Variants in TAF4 observed in about 807,000 individuals in gnomAD.
TAF4 encodes the protein TATA-box binding protein associated factor 4.
In TAF4, 9 loss-of-function variants were observed where a neutral mutation model predicts 90.3. That is an observed-to-expected ratio of 0.10 (90% confidence interval 0.06 to 0.17). TAF4 has a LOEUF of 0.17. Ranked by LOEUF, TAF4 falls within the 10% of genes least tolerant of loss-of-function variation. The pLI, the probability that TAF4 is intolerant of heterozygous loss-of-function variation, is 1.00. For synonymous variants in TAF4, 818 were observed against 638.9 expected (o/e 1.28, Z -4.23); for missense variants, 1,351 against 1,370.7 (o/e 0.99, Z 0.23).
intron 1 of TAF4, among the ~76,000 whole-genome samples, chr20:62,063,991 G>T (rs1048476414): frequency 6.6e-6 from 1 of 152,230 alleles, no homozygotes; most frequent in African/African-American, 2.4e-5. Context: ...TGGGGACACA[G>T]GCCACACGCC....
chr20:62,036,269 C>G (rs1423512421), intron 1 of TAF4, among the ~76,000 whole-genome samples: 1 of 152,216 alleles, frequency 6.6e-6, no homozygotes, highest in East Asian at 1.9e-4. Context: ...AGGTGATCCA[C>G]CCGCCTCGGC....
At chr20:62,005,825 G>A (rs2055741339) in intron 7 of TAF4, 1 of 152,242 alleles carries the variant, frequency 6.6e-6, no homozygotes, top group Non-Finnish European at 1.5e-5. Context: ...TGATGAGGGA[G>A]CCCGCACCAT....
chr20:61,992,982 T>C (rs1437799961), intron 14 of TAF4, among the ~76,000 whole-genome samples: 1 of 152,188 alleles, frequency 6.6e-6, no homozygotes, highest in Non-Finnish European at 1.5e-5. Flanking sequence ...GTAAAACTAC[T>C]GGTCACCCTC....
At position 61,976,272 on chromosome 20, in the gene TAF4, G is replaced by C. The variant is rs1169358340; in HGVS notation, c.3154C>G (p.Arg1052Gly). Residue 1052 changes from arginine to glycine, a missense_variant, in exon 15 of 15, where the codon CGA becomes GGA. Coordinates refer to ENST00000252996, the MANE Select transcript of TAF4 (RefSeq NM_003185.4). ...SGVGTPRQFT[R>G]QRITRVNLRD... ...AGGTTGACCCGCGTGATTCTTTGTCGCGTGAACTGTCTGGGGGTTCCGACA... is the reference window on the plus strand; with the variant it reads ...AGGTTGACCCGCGTGATTCTTTGTCCCGTGAACTGTCTGGGGGTTCCGACA... 2 of 1,613,988 alleles carry C rather than the reference G, an allele frequency of 1.2e-6. No individual in the cohort carries two copies. Among genetic ancestry groups the C allele is most frequent in the Non-Finnish European group, 1.7e-6 (2 of 1,180,042 alleles).
In TAF4 at chr20:62,065,516, C is replaced by G. The variant is rs1269685077; in HGVS notation, c.295G>C (p.Gly99Arg). Residue 99 changes from glycine to arginine, a missense_variant, in exon 1 of 15, where the codon GGC (glycine) becomes CGC (arginine). By Grantham distance (125) the Gly-to-Arg change is moderately radical (BLOSUM62 -2). Transcript: ENST00000252996. Reference sequence around the variant, plus strand: ...GGGCCCGGGCGCTGCGGCCCCCCGCCCCCCGGCCGCGCTCTACCTGCGGGG... The same window carrying G: ...GGGCCCGGGCGCTGCGGCCCCCCGCGCCCCGGCCGCGCTCTACCTGCGGGG... ...PPPAGRARPG[G>R]GGPQRPGPPS... is the part of the protein sequence containing the mutation. 4.1e-6 allele frequency: 4 copies of G among 975,886 alleles called. No individual in the cohort carries two copies. Among genetic ancestry groups the G allele is most frequent in the Non-Finnish European group, 4.8e-6 (4 of 824,942 alleles). 60.5% of individuals were successfully genotyped at this position (975,886 alleles called of 1,614,324 possible).
intron 1 of TAF4, among the ~76,000 whole-genome samples, chr20:62,050,735 A>G (rs1416466616): frequency 6.6e-6 from 1 of 152,146 alleles, no homozygotes; most frequent in Non-Finnish European, 1.5e-5. Flanking sequence ...ACCCAGAGCC[A>G]CCTGCCAGGC....
At chr20:62,016,358 G>A (rs2055812124) in intron 1 of TAF4, among the ~76,000 whole-genome samples, 1 of 152,356 alleles carries the variant, frequency 6.6e-6, no homozygotes, top group South Asian at 2.1e-4. Flanking sequence ...GACTGGAAGA[G>A]GCAGACCCAG....
rs540155675 is a variant in TAF4, at chr20:61,995,591, C to T, written c.3090+1959G>A. ...TGGAAAAAAAAATTTGAGCCGGGCG[C>T]GGTGGCTCACGCCTGTAATCCCAGC... On this transcript the variant is annotated intron_variant, in intron 14 of 14. Transcript: ENST00000252996. Among the ~76,000 whole-genome samples, 28 of 15,712 alleles carry T rather than the reference C, an allele frequency of 1.8e-3. 11 individuals are homozygous for T. The South Asian group carries it at 0.023, about 13-fold the overall frequency. 10.3% of individuals were successfully genotyped at this position (15,712 alleles called of 152,430 possible).
At position 62,006,517 on chromosome 20, in the gene TAF4, G is replaced by T; in HGVS notation, c.2216C>A (p.Thr739Lys). The T allele has an allele frequency of 6.5e-7, 1 of 1,531,596 alleles. No individual in the cohort carries two copies. The highest frequency in any genetic ancestry group is 1.2e-5 in the South Asian group (1 of 82,606). The allele number at this position is 1,531,596 out of a possible 1,614,324, so 94.9% of individuals were successfully genotyped here. ...QVGVGKQGQP[T>K]PLVIQQPPKP... ...CAGGCGCCCCTTCCATACCAGCGGTGTGGGTTGCCCCTGCTTGCCGACGCC... is the reference window on the plus strand; with the variant it reads ...CAGGCGCCCCTTCCATACCAGCGGTTTGGGTTGCCCCTGCTTGCCGACGCC... Residue 739 changes from threonine (T) to lysine (K), a missense_variant, in exon 7 of 15, where the codon ACA becomes AAA. Thr to Lys is a moderately conservative substitution (Grantham distance 78). Transcript: ENST00000252996. This position sits in a 1 kb window ranked among gnomAD's most constrained non-coding sequence, Gnocchi z 7.0.
rs1435570249 is a variant in TAF4 at position 62,065,816 on chromosome 20, T to C, written c.-6A>G. On this transcript the variant is annotated 5_prime_UTR_variant, in exon 1 of 15. Coordinates refer to ENST00000252996, the MANE Select transcript of TAF4 (RefSeq NM_003185.4). ...AGATCCGAGCCCGCCGCCATCTTTT[T>C]TCCTCGGCCGCCGCCGCCGCCGCCG... is the stretch of plus-strand genomic sequence containing the variant. 1 of 1,275,652 alleles carries C rather than the reference T, an allele frequency of 7.8e-7. No individual in the cohort carries two copies. The highest frequency in any genetic ancestry group is 1.0e-6 in the Non-Finnish European group (1 of 988,838). The allele number at this position is 1,275,652 out of a possible 1,614,324, so 79.0% of individuals were successfully genotyped here.
chr20:62,045,384 G>A (rs373184253), intron 1 of TAF4, among the ~76,000 whole-genome samples: 2 of 152,194 alleles, frequency 1.3e-5, no homozygotes, highest in African/African-American at 2.4e-5. Context: ...AGACGATGGC[G>A]GTGAAACTTT....
At chr20:62,046,613 C>T (rs1268294346) in intron 1 of TAF4, among the ~76,000 whole-genome samples, 2 of 152,222 alleles carry the variant, frequency 1.3e-5, no homozygotes, top group African/African-American at 2.4e-5. Flanking sequence ...ATGGACACTT[C>T]GGTTCTTTCC....
intron 7 of TAF4, chr20:62,004,801 G>C (rs1354985842): frequency 6.6e-6 from 1 of 152,328 alleles, no homozygotes; most frequent in Non-Finnish European, 1.5e-5. Flanking sequence ...GCCCAGCTCT[G>C]CTGTCATCCT....
chr20:61,980,952 A>G (rs371616404), intron 14 of TAF4: 25 of 152,696 alleles, frequency 1.6e-4, no homozygotes, highest in African/African-American at 5.3e-4. Context: ...AGTGCAGACC[A>G]CAGGGCAGGG....
chr20:62,013,132 C>T (rs2055789273), intron 2 of TAF4, among the ~76,000 whole-genome samples, 198 bp from the exon 3 acceptor site: 1 of 152,214 alleles, frequency 6.6e-6, no homozygotes. Flanking sequence ...TTTTCCTATA[C>T]TACAATAAAC....
chr20:62,014,607 G>A lies in TAF4; in HGVS notation c.1461C>T (p.Thr487=). ...TGGGGGTGGCAGGGCGAGGCGCCATGGTGGTCTGAGGCTGGGCATGGGCCT... is the reference window on the plus strand; with the variant it reads ...TGGGGGTGGCAGGGCGAGGCGCCATAGTGGTCTGAGGCTGGGCATGGGCCT... ...QAQAHAQPQT[T]MAPRPATPTS... The change falls in exon 2 of 15, where the codon ACC becomes ACT. Residue 487 remains threonine, a synonymous_variant. Coordinates refer to ENST00000252996, the MANE Select transcript of TAF4 (RefSeq NM_003185.4). The A allele has an allele frequency of 1.2e-6, 2 of 1,614,080 alleles. No homozygotes were observed. The highest frequency in any genetic ancestry group is 1.7e-6 in the Non-Finnish European group (2 of 1,179,996).
At chr20:62,015,164 A>G (rs910513367) in intron 1 of TAF4, among the ~76,000 whole-genome samples, 8 of 152,254 alleles carry the variant, frequency 5.3e-5, no homozygotes, top group Admixed American at 5.2e-4. Flanking sequence ...GTCCTGTGAC[A>G]CCCAGACCCA....
At chr20:62,023,762 A>G (rs1263689692) in intron 1 of TAF4, among the ~76,000 whole-genome samples, 3 of 144,136 alleles carry the variant, frequency 2.1e-5, no homozygotes, top group African/African-American at 5.1e-5. Context: ...AAAAAAAAAA[A>G]AAAAAAAAGA....
chr20:62,063,730 G>A (rs1417240520), intron 1 of TAF4, among the ~76,000 whole-genome samples: 1 of 152,220 alleles, frequency 6.6e-6, no homozygotes, highest in Non-Finnish European at 1.5e-5. Context: ...AGGCACCAAC[G>A]CAGCTCTGGA....
Sources: allele counts gnomAD v4.1 joint callset (sites outside exome capture counted in the v4.1 genomes callset), GRCh38; gene constraint gnomAD v4.1.1; non-coding constraint Gnocchi (gnomAD v3.1); transcripts MANE v1.5; gene names NCBI Gene and HGNC (gene_info 2026-07-23, HGNC 2026-07-21).